The following MORC3 variants were observed in gnomAD, a reference collection of about 807,000 sequenced individuals.
MORC3 encodes MORC family CW-type zinc finger 3.
In MORC3, 31 loss-of-function variants were observed where a neutral mutation model predicts 109.1. The ratio of observed to expected loss-of-function variants is 0.28; its 90% CI spans 0.21 to 0.38. MORC3 has a LOEUF of 0.38. Among genes scored for constraint, MORC3 ranks in the 10% least tolerant of loss-of-function variants. The pLI, the probability that MORC3 is intolerant of heterozygous loss-of-function variation, is 1.00. For synonymous variants in MORC3, 395 were observed against 380.7 expected, an observed-to-expected ratio of 1.04 and a Z score of -0.44; for missense variants, 867 against 1,135.8, an observed-to-expected ratio of 0.76 and a Z score of 3.40.
In MORC3 at chr21:36,369,401, T is replaced by C. The variant is rs2085824138; in HGVS notation, c.2033T>C (p.Ile678Thr). The C allele has an allele frequency of 2.5e-6, 4 of 1,614,008 alleles. No individual in the cohort carries two copies. The highest frequency in any genetic ancestry group is 3.4e-6 in the Non-Finnish European group (4 of 1,180,028). ...TCCTGTGTAGAAGCTGAAGCAAAGA[T>C]ACATGAAACCCAGGAAACCACCGAT... ...LPSCVEAEAK[I>T]HETQETTDKS... Residue 678 changes from isoleucine to threonine, a missense_variant, in exon 15 of 17, where the codon ATA becomes ACA. Physicochemically the swap from Ile to Thr is moderately conservative, Grantham distance 89. Transcript: ENST00000400485.
chr21:36,324,898 G>A (rs1334802441), intron 1 of MORC3, among the ~76,000 whole-genome samples: 1 of 151,766 alleles, frequency 6.6e-6, no homozygotes, highest in African/African-American at 2.4e-5. Context: ...TAATAGAGAT[G>A]GTGTTTTACC....
At chr21:36,334,108 A>G (rs1397861451) in intron 2 of MORC3, among the ~76,000 whole-genome samples, 1 of 152,064 alleles carries the variant, frequency 6.6e-6, no homozygotes, top group Non-Finnish European at 1.5e-5. Context: ...TTTAAAAATC[A>G]GCTGGGTATG....
intron 3 of MORC3, 95 bp downstream of exon 3, chr21:36,337,101 A>G (rs2085382699): frequency 1.4e-6 from 2 of 1,414,240 alleles, no homozygotes; most frequent in South Asian, 1.3e-5. Flanking sequence ...GTTTTTTGAA[A>G]TGAAATGCTG....
intron 15 of MORC3, 143 bp from the exon 16 acceptor site, chr21:36,372,231 A>G: frequency 1.6e-6 from 1 of 640,524 alleles, no homozygotes; most frequent in East Asian, 3.2e-5. Flanking sequence ...TGTTTATAGA[A>G]AACTACTGGT....
At chr21:36,333,020 C>T (rs908194133) in intron 1 of MORC3, among the ~76,000 whole-genome samples, 1 of 152,140 alleles carries the variant, frequency 6.6e-6, no homozygotes, top group Non-Finnish European at 1.5e-5. Flanking sequence ...ATCTCCTGAC[C>T]TCGTGATCTG....
At chr21:36,327,147 CTTTA>C (rs1211144476) in intron 1 of MORC3, among the ~76,000 whole-genome samples, 3 of 119,572 alleles carry the variant, frequency 2.5e-5, no homozygotes, top group African/African-American at 1.0e-4. Context: ...TATTAATTGG[CTTTA>C]TTTCTTTTTT....
At chr21:36,333,571 A>G in intron 1 of MORC3, 75 bp from the exon 2 acceptor site, 4 of 1,209,446 alleles carry the variant, frequency 3.3e-6, no homozygotes, top group Non-Finnish European at 4.9e-6. Context: ...TGTTTAACAC[A>G]GGGATAAAAA....
chr21:36,370,427 A>G (rs2085841886), intron 15 of MORC3, among the ~76,000 whole-genome samples: 1 of 151,800 alleles, frequency 6.6e-6, no homozygotes, highest in Non-Finnish European at 1.5e-5. Flanking sequence ...TGTTCAGAAT[A>G]CCAATATTAA....
chr21:36,341,409 G>A lies in MORC3; in HGVS notation c.619G>A (p.Ala207Thr). 1 of 1,598,144 alleles carries A rather than the reference G, an allele frequency of 6.3e-7. No homozygotes were observed. Among genetic ancestry groups the A allele is most frequent in the Non-Finnish European group, 8.5e-7 (1 of 1,176,296 alleles). Reference sequence around the variant, plus strand: ...AAATTATTTTTACAGCTACAAAAATGCAACAGAGTTCGATTTTGAAAAGGA... The same window carrying A: ...AAATTATTTTTACAGCTACAAAAATACAACAGAGTTCGATTTTGAAAAGGA... ...IIWNLRSYKN[A>T]TEFDFEKDKY... Residue 207 changes from alanine (A) to threonine (T), a missense_variant, in exon 6 of 17, where the codon GCA becomes ACA. This residue lies in a region of MORC3 where 134 missense variants were observed against 166.6 expected (regional missense o/e 0.80). Transcript: ENST00000400485.
chr21:36,370,639 ATTTTTTTTTTTT>A (rs869169013), intron 15 of MORC3, among the ~76,000 whole-genome samples: 152 of 37,500 alleles, frequency 4.1e-3, no homozygotes, highest in East Asian at 0.017. Flanking sequence ...ATATATATAT[ATTTTTTTTTTTT>A]TTTTTTTTTT....
Position 36,320,279 on chromosome 21 carries a change from A to AC in MORC3, c.19dup (p.Arg7ProfsTer19), listed in dbSNP as rs1287752372. On this transcript the variant is annotated frameshift_variant, in exon 1 of 17. Coordinates refer to ENST00000400485, the MANE Select transcript of MORC3 (RefSeq NM_015358.3). LOFTEE classifies it high-confidence loss of function. Reference sequence around the variant, plus strand: ...GCTCGCTCAAGATGGCGGCGCAGCCACCCCGCGGGATACGCCTCAGCGCGG... The same window carrying AC: ...GCTCGCTCAAGATGGCGGCGCAGCCACCCCCGCGGGATACGCCTCAGCGCGG... The AC allele has an allele frequency of 6.4e-7, 1 of 1,572,932 alleles. No individual in the cohort carries two copies. Among genetic ancestry groups the AC allele is most frequent in the African/African-American group, 1.4e-5 (1 of 73,352 alleles).
intron 14 of MORC3, among the ~76,000 whole-genome samples, chr21:36,365,059 A>AAAAC (rs2085764251): frequency 4.6e-5 from 7 of 151,624 alleles, no homozygotes; most frequent in Admixed American, 4.6e-4. Flanking sequence ...CTCAAAAAAA[A>AAAAC]AAAAAAAAAA....
Position 36,372,398 on chromosome 21 carries a change from T to C in MORC3, c.2533T>C (p.Ser845Pro), listed in dbSNP as rs779249958. ...SEVELLEMEK[S>P]QIRSQCEELK... ...GGTTGAATTGCTGGAAATGGAAAAG[T>C]CACAAATCCGTTCACAGTGTGAAGA... Residue 845 changes from serine (S) to proline (P), a missense_variant, in exon 16 of 17, where the codon TCA becomes CCA. Physicochemically the swap from Ser to Pro is moderately conservative, Grantham distance 74 (BLOSUM62 -1). Around this residue, in one of 7 missense-constraint regions of MORC3, gnomAD observed 486 missense variants for 502.1 expected, o/e 0.97. Transcript: ENST00000400485. 2 of 1,579,164 alleles carry C rather than the reference T, an allele frequency of 1.3e-6. No individual in the cohort carries two copies. The highest frequency in any genetic ancestry group is 1.7e-6 in the Non-Finnish European group (2 of 1,169,876).
At chr21:36,359,097 C>T (rs893469226) in intron 10 of MORC3, among the ~76,000 whole-genome samples, 16 of 152,208 alleles carry the variant, frequency 1.1e-4, no homozygotes, top group Admixed American at 1.0e-3. Context: ...ATTATAACAA[C>T]AGAATTCTGT....
rs1310023389 is a variant in MORC3 at position 36,376,030 on chromosome 21, C to G, written c.*734C>G. 1.3e-5 allele frequency: 2 copies of G among 152,316 alleles called. No individual in the cohort carries two copies. The highest frequency in any genetic ancestry group is 1.3e-4 in the Admixed American group (2 of 15,282). The allele number at this position is 152,316 out of a possible 1,614,324, so 9.4% of individuals were successfully genotyped here. On this transcript the variant is annotated 3_prime_UTR_variant, in exon 17 of 17. Coordinates refer to ENST00000400485, the MANE Select transcript of MORC3 (RefSeq NM_015358.3). Reference sequence around the variant, plus strand: ...AGCCCATTTTTGGCTGTTTAGTCAGCATGAAGTGGGCATGATAATTTTTTA... The same window carrying G: ...AGCCCATTTTTGGCTGTTTAGTCAGGATGAAGTGGGCATGATAATTTTTTA...
At chr21:36,352,985 AAG>A (rs1400526926) in intron 9 of MORC3, among the ~76,000 whole-genome samples, 1 of 148,558 alleles carries the variant, frequency 6.7e-6, no homozygotes, top group African/African-American at 2.6e-5. Flanking sequence ...AAAAAAAAAA[AAG>A]AAAACCATCT....
chr21:36,344,183 A>G (rs932659197), intron 6 of MORC3, among the ~76,000 whole-genome samples: 4 of 151,858 alleles, frequency 2.6e-5, no homozygotes, highest in Non-Finnish European at 5.9e-5. Flanking sequence ...ACTGGAGTGC[A>G]GTGGTGTGAT....
At chr21:36,341,173 T>A (rs984654271) in intron 5 of MORC3, among the ~76,000 whole-genome samples, 1 of 151,934 alleles carries the variant, frequency 6.6e-6, no homozygotes, top group Non-Finnish European at 1.5e-5. Flanking sequence ...CCAGACTGTT[T>A]TCCTGAGTGT....
At chr21:36,365,289 CAGT>C (rs1038619042) in intron 14 of MORC3, among the ~76,000 whole-genome samples, 2 of 152,110 alleles carry the variant, frequency 1.3e-5, no homozygotes, top group Admixed American at 1.3e-4. Flanking sequence ...GTTCTGAAAA[CAGT>C]AGTCTTGTAG....
Sources: allele counts gnomAD v4.1 joint callset (sites outside exome capture counted in the v4.1 genomes callset), GRCh38; gene constraint gnomAD v4.1.1; regional missense constraint gnomAD v4.1.1; transcripts MANE v1.5; gene names NCBI Gene and HGNC (gene_info 2026-07-23, HGNC 2026-07-21).